Variants in NOL11 observed in about 807,000 individuals in gnomAD.
NOL11 encodes the protein nucleolar protein 11.
A neutral mutation model predicts 93.0 loss-of-function variants in NOL11; 42 were observed. The observed-to-expected ratio is 0.45, with a 90% CI of 0.35 to 0.58. The LOEUF is 0.58. NOL11 is among the 20% of genes least tolerant of loss of function. The pLI is 0.00. For missense variants in NOL11, 775 were observed against 841.8 expected, an observed-to-expected ratio of 0.92 and a Z score of 0.98; for synonymous variants, 296 against 293.7, an observed-to-expected ratio of 1.01 and a Z score of -0.08.
At chr17:67,742,444 C>A (rs1417519807) in intron 16 of NOL11, among the ~76,000 whole-genome samples, 1 of 152,156 alleles carries the variant, frequency 6.6e-6, no homozygotes, top group Non-Finnish European at 1.5e-5. Flanking sequence ...CTTTTTCTAT[C>A]AAATGCATTG....
chr17:67,718,854 T>C (rs571307631), intron 1 of NOL11, among the ~76,000 whole-genome samples: 41 of 152,286 alleles, frequency 2.7e-4, no homozygotes, highest in Admixed American at 9.8e-4. Flanking sequence ...GCTAACTCTA[T>C]TGGGTTTCAC....
intron 11 of NOL11, 21 bp from the exon 12 acceptor site, chr17:67,737,487 T>A: frequency 1.9e-6 from 3 of 1,574,560 alleles, no homozygotes; most frequent in Non-Finnish European, 2.6e-6. Context: ...CAAACTGAAT[T>A]CTTTAATTCT....
intron 9 of NOL11, among the ~76,000 whole-genome samples, 193 bp downstream of exon 9, chr17:67,736,216 C>T (rs2055200741): frequency 1.3e-5 from 2 of 150,672 alleles, no homozygotes; most frequent in South Asian, 4.2e-4. Context: ...GAGGCAGAGG[C>T]GGGAGGATAG....
chr17:67,734,295 C>T, intron 7 of NOL11, 68 bp from the exon 8 acceptor site: 1 of 849,538 alleles, frequency 1.2e-6, no homozygotes, highest in Non-Finnish European at 2.0e-6. Flanking sequence ...ACTGTAACTC[C>T]CCCCTTCCCC....
At chr17:67,724,484 C>T (rs1378656441) in intron 6 of NOL11, among the ~76,000 whole-genome samples, 1 of 152,080 alleles carries the variant, frequency 6.6e-6, no homozygotes, top group African/African-American at 2.4e-5. Flanking sequence ...CAGGCGCCCA[C>T]CCCCACATCT....
chr17:67,737,086 A>G lies in NOL11; in HGVS notation c.1159A>G (p.Ile387Val). The change falls in exon 11 of 18, where the codon ATT (isoleucine) becomes GTT (valine). Residue 387 changes from isoleucine to valine, a missense_variant. Physicochemically the swap from Ile to Val is conservative, Grantham distance 29. Transcript: ENST00000253247. ...QSRRILRRRK[I>V]EVSLQPEVPP... is the part of the protein sequence containing the mutation. ...TTAATTCCAGTTAAGGAGACGAAAAATTGAAGTGAGTTTACAGCCAGAGGT... is the reference window on the plus strand; with the variant it reads ...TTAATTCCAGTTAAGGAGACGAAAAGTTGAAGTGAGTTTACAGCCAGAGGT... The G allele has an allele frequency of 6.2e-7, 1 of 1,610,082 alleles. No homozygotes were observed. The highest frequency in any genetic ancestry group is 8.5e-7 in the Non-Finnish European group (1 of 1,176,538).
intron 5 of NOL11, 121 bp downstream of exon 5, chr17:67,722,758 C>A (rs999042): frequency 0.85 from 1,134,050 of 1,328,676 alleles, 487,323 homozygotes; most frequent in Non-Finnish European, 0.88. Flanking sequence ...CACGATGGTT[C>A]ACTGCAGCCT....
intron 4 of NOL11, 145 bp from the exon 5 acceptor site, chr17:67,722,435 T>TC: frequency 7.7e-7 from 1 of 1,301,254 alleles, no homozygotes; most frequent in Non-Finnish European, 1.0e-6. Flanking sequence ...TGGTATATGT[T>TC]TCAAAACGCC....
intron 7 of NOL11, among the ~76,000 whole-genome samples, chr17:67,733,598 T>C (rs2055174941): frequency 6.6e-6 from 1 of 152,196 alleles, no homozygotes; most frequent in Non-Finnish European, 1.5e-5. Context: ...AGTCTTTCAC[T>C]GTTGAGTGAT....
At chr17:67,724,267 C>A in intron 6 of NOL11, 74 bp downstream of exon 6, 1 of 884,958 alleles carries the variant, frequency 1.1e-6, no homozygotes, top group Non-Finnish European at 1.7e-6. Flanking sequence ...GTTTTTGAAT[C>A]GTAGACTTTG....
chr17:67,739,903 G>T (rs990671873), intron 16 of NOL11, among the ~76,000 whole-genome samples: 3 of 152,160 alleles, frequency 2.0e-5, no homozygotes, highest in African/African-American at 7.2e-5. Context: ...AACAGGAAGG[G>T]GCTGATAATA....
In NOL11 at chr17:67,738,360, C is replaced by T; in HGVS notation, c.1763+5C>T. The T allele has an allele frequency of 6.3e-7, 1 of 1,576,504 alleles. No individual in the cohort carries two copies. Among genetic ancestry groups the T allele is most frequent in the Non-Finnish European group, 8.7e-7 (1 of 1,149,748 alleles). The stretch of plus-strand genomic sequence containing the variant: ...ACAAAAAAGAGCAGCTCTACTGTAT[C>T]CTTTGACATAGAGCATCCCTCTGTT... On this transcript the variant is annotated splice_donor_5th_base_variant and intron_variant, in intron 14 of 17. Transcript: ENST00000253247.
intron 16 of NOL11, among the ~76,000 whole-genome samples, chr17:67,742,356 G>C (rs1208075559): frequency 6.6e-6 from 1 of 152,032 alleles, no homozygotes; most frequent in Admixed American, 6.6e-5. Flanking sequence ...CTGCCTAGTC[G>C]GGTTCTTTGT....
intron 8 of NOL11, 95 bp downstream of exon 8, chr17:67,734,534 G>A: frequency 1.4e-6 from 1 of 736,804 alleles, no homozygotes; most frequent in Non-Finnish European, 2.3e-6. Flanking sequence ...CTGTTGCCCA[G>A]GCTGGTCTTT....
intron 12 of NOL11, 66 bp from the exon 13 acceptor site, chr17:67,737,781 T>C (rs2055216384): frequency 6.3e-7 from 1 of 1,584,502 alleles, no homozygotes; most frequent in Admixed American, 1.9e-5. Flanking sequence ...CTCAAAAGGC[T>C]TATAAATGTT....
intron 7 of NOL11, among the ~76,000 whole-genome samples, chr17:67,730,290 G>A (rs891657314): frequency 2.0e-5 from 3 of 151,872 alleles, no homozygotes; most frequent in East Asian, 3.9e-4. Flanking sequence ...CAAGAGTCTC[G>A]CTCTGTCGCC....
intron 5 of NOL11, among the ~76,000 whole-genome samples, chr17:67,723,103 C>A (rs4564613): frequency 0.81 from 121,497 of 150,476 alleles, 49,540 homozygotes; most frequent in Middle Eastern, 0.87. Context: ...GCCTCCTCCT[C>A]CCGGGTTCAA....
chr17:67,735,477 C>T (rs2055192766), intron 8 of NOL11, among the ~76,000 whole-genome samples: 2 of 150,316 alleles, frequency 1.3e-5, no homozygotes, highest in Admixed American at 6.6e-5. Context: ...TTTCCTTGTT[C>T]CCTCAGGCTT....
intron 7 of NOL11, among the ~76,000 whole-genome samples, chr17:67,729,849 G>C (rs1436166279): frequency 1.3e-5 from 2 of 152,152 alleles, no homozygotes; most frequent in Non-Finnish European, 2.9e-5. Context: ...AAAGTGCCGG[G>C]ATTACAGGCG....
Sources: gnomAD v4.1 joint callset for allele counts (sites outside exome capture counted in the v4.1 genomes callset) on GRCh38, gnomAD v4.1.1 for gene constraint, MANE v1.5 for transcripts, NCBI Gene and HGNC (gene_info 2026-07-23, HGNC 2026-07-21) for gene names.